VAV2: variants seen among roughly 807,000 people sequenced by gnomAD.
VAV2 encodes the protein vav guanine nucleotide exchange factor 2.
In VAV2, 67 loss-of-function variants were observed where a neutral mutation model predicts 132.5. That is an observed-to-expected ratio of 0.51 (90% confidence interval 0.42 to 0.62). VAV2 has a LOEUF of 0.62. VAV2 is among the 20% of genes least tolerant of loss of function. VAV2 has a pLI of 0.00. For synonymous variants in VAV2, 492 were observed against 443.5 expected, an observed-to-expected ratio of 1.11 and a Z score of -1.37; for missense variants, 938 against 1,153.6, an observed-to-expected ratio of 0.81 and a Z score of 2.71.
At chr9:133,985,225 ATT>A (rs1491361359) in intron 1 of VAV2, among the ~76,000 whole-genome samples, 8 of 92,670 alleles carry the variant, frequency 8.6e-5, no homozygotes, top group Non-Finnish European at 1.5e-4. Flanking sequence ...ATCTTGCCTT[ATT>A]GTGTGTGTGT....
At chr9:133,835,854 TGGTC>T (rs1433934027) in intron 3 of VAV2, among the ~76,000 whole-genome samples, 2 of 152,176 alleles carry the variant, frequency 1.3e-5, no homozygotes, top group African/African-American at 4.8e-5. Flanking sequence ...ACTGGGCCAT[TGGTC>T]AGCGTGCCCC....
intron 20 of VAV2, 96 bp from the exon 21 acceptor site, chr9:133,780,035 T>A (rs1239985623): frequency 1.3e-6 from 2 of 1,537,114 alleles, no homozygotes; most frequent in Non-Finnish European, 1.8e-6. Flanking sequence ...TCCCCACTAG[T>A]TCCTAGATAG....
At position 133,768,352 on chromosome 9, in the gene VAV2, G is replaced by T. The variant is rs1833503535; in HGVS notation, c.2589+90C>A. The T allele has an allele frequency of 4.6e-6, 7 of 1,523,236 alleles. No individual in the cohort carries two copies. Among genetic ancestry groups the T allele is most frequent in the Admixed American group, 1.8e-5 (1 of 54,140 alleles). 94.4% of individuals were successfully genotyped at this position (1,523,236 alleles called of 1,614,324 possible). On this transcript the variant is annotated intron_variant, in intron 29 of 29. Transcript: ENST00000371850. The surrounding 1 kb of genome is among the most constrained non-coding windows in gnomAD (Gnocchi z 5.3). ...GTGTCTGGAACAGGGCCTGGGGTGT[G>T]GACATAGGTGTGGTGCTAGTCTGCC...
intron 9 of VAV2, among the ~76,000 whole-genome samples, chr9:133,798,630 A>AC (rs1834813725): frequency 6.6e-6 from 1 of 151,516 alleles, no homozygotes; most frequent in Admixed American, 6.6e-5. Flanking sequence ...AAACCCCATA[A>AC]CCCCACCGAC....
At chr9:133,947,011 G>C (rs1315836940) in intron 1 of VAV2, among the ~76,000 whole-genome samples, 1 of 152,132 alleles carries the variant, frequency 6.6e-6, no homozygotes. Context: ...ATTAATGAAT[G>C]AACAAATGAA....
At chr9:133,957,453 T>C (rs765022564) in intron 1 of VAV2, among the ~76,000 whole-genome samples, 8 of 152,132 alleles carry the variant, frequency 5.3e-5, no homozygotes, top group Non-Finnish European at 1.0e-4. Context: ...TTTCTACATA[T>C]TTGACTACTG....
In VAV2 at chr9:133,780,090, A is replaced by G. The variant is rs1833954933; in HGVS notation, c.1741-151T>C. 7 of 1,018,212 alleles carry G rather than the reference A, an allele frequency of 6.9e-6. No homozygotes were observed. The Admixed American group carries it at 1.0e-4, about 15-fold the overall frequency. The allele number at this position is 1,018,212 out of a possible 1,614,324, so 63.1% of individuals were successfully genotyped here. A position where few individuals can be genotyped will look rare whatever the true frequency, so the allele number is the denominator to read the frequency against. On this transcript the variant is annotated intron_variant, in intron 20 of 29. Transcript: ENST00000371850. The stretch of plus-strand genomic sequence containing the variant: ...GGGGAGGAGAGGGACACTGTTCCCT[A>G]TGGGACGCCCCCACCCTGGCAATAT...
chr9:133,873,546 C>T (rs1471213951), intron 2 of VAV2, among the ~76,000 whole-genome samples: 1 of 152,198 alleles, frequency 6.6e-6, no homozygotes, highest in Non-Finnish European at 1.5e-5. Flanking sequence ...AGCGGCACTG[C>T]CCTGGGAAAC....
intron 2 of VAV2, among the ~76,000 whole-genome samples, chr9:133,904,823 C>A (rs1839582156): frequency 6.6e-6 from 1 of 152,250 alleles, no homozygotes; most frequent in South Asian, 2.1e-4. Flanking sequence ...TGAACAGAAG[C>A]CCTCTCTGGG....
At chr9:133,917,951 C>G (rs1840159934) in intron 2 of VAV2, among the ~76,000 whole-genome samples, 1 of 149,886 alleles carries the variant, frequency 6.7e-6, no homozygotes, top group African/African-American at 2.5e-5. Flanking sequence ...GCCCCCTAAG[C>G]CCCGGCCCAT....
chr9:133,790,198 A>G (rs1386453361), intron 13 of VAV2, among the ~76,000 whole-genome samples: 1 of 152,142 alleles, frequency 6.6e-6, no homozygotes, highest in Non-Finnish European at 1.5e-5. Context: ...GTCGTTTTTG[A>G]GATAGTCTCA....
At chr9:133,954,647 C>T (rs1216960948) in intron 1 of VAV2, among the ~76,000 whole-genome samples, 3 of 152,202 alleles carry the variant, frequency 2.0e-5, no homozygotes, top group Non-Finnish European at 1.5e-5. Flanking sequence ...GCTGCTGATG[C>T]TCGAGCAGGG....
chr9:133,967,463 G>A (rs185766257), intron 1 of VAV2, among the ~76,000 whole-genome samples: 7 of 152,304 alleles, frequency 4.6e-5, no homozygotes, highest in East Asian at 1.9e-4. Context: ...CACCTTTACC[G>A]TAGCACTATT....
chr9:133,922,973 A>G (rs1840347396), intron 2 of VAV2, among the ~76,000 whole-genome samples: 1 of 152,232 alleles, frequency 6.6e-6, no homozygotes, highest in African/African-American at 2.4e-5. Flanking sequence ...TAATATCCAC[A>G]ATATGTAAAG....
chr9:133,844,308 G>A (rs947390706), intron 3 of VAV2, among the ~76,000 whole-genome samples: 1 of 152,212 alleles, frequency 6.6e-6, no homozygotes, highest in Non-Finnish European at 1.5e-5. Flanking sequence ...GGTCCACAGG[G>A]TGTCCTTCCC....
At position 133,933,128 on chromosome 9, in the gene VAV2, T is replaced by C. The variant is rs902664088; in HGVS notation, c.321+5975A>G. ...AGGGAGACAGTCTCATTCACGTTAG[T>C]GTCCCTTTAACACGTGGAATGATCC... On this transcript the variant is annotated intron_variant, in intron 2 of 29. Coordinates refer to ENST00000371850, the MANE Select transcript of VAV2 (RefSeq NM_001134398.2). Among the ~76,000 whole-genome samples the C allele has an allele frequency of 2.6e-5, 4 of 152,266 alleles. No homozygotes were observed. In the South Asian group the frequency reaches 8.3e-4, roughly 31 times the overall value.
rs1405018131 is a variant in VAV2, at chr9:133,863,527, C to T, written c.322-2095G>A. 6.6e-6 allele frequency among the ~76,000 whole-genome samples: 1 copy of T among 152,232 alleles called. No individual in the cohort carries two copies. The highest frequency in any genetic ancestry group is 6.5e-5 in the Admixed American group (1 of 15,290). On this transcript the variant is annotated intron_variant, in intron 2 of 29. Transcript: ENST00000371850. The surrounding 1 kb of genome is among the most constrained non-coding windows in gnomAD (Gnocchi z 5.0). ...TTCTCCTGCGTCCATGCATCTGTGGCCCCTGTGGACAATTTCTACAGCTGC... is the reference window on the plus strand; with the variant it reads ...TTCTCCTGCGTCCATGCATCTGTGGTCCCTGTGGACAATTTCTACAGCTGC...
At chr9:133,869,607 C>T (rs191842377) in intron 2 of VAV2, among the ~76,000 whole-genome samples, 12 of 152,256 alleles carry the variant, frequency 7.9e-5, no homozygotes, top group Admixed American at 7.9e-4. Flanking sequence ...GAAACCCTAT[C>T]TCAAAAATAA....
At position 133,836,741 on chromosome 9, in the gene VAV2, T is replaced by C. The variant is rs1162607312; in HGVS notation, c.381-2401A>G. 2.0e-5 allele frequency among the ~76,000 whole-genome samples: 3 copies of C among 152,146 alleles called. 1 individual carries two copies. Among genetic ancestry groups the C allele is most frequent in the Non-Finnish European group, 4.4e-5 (3 of 68,034 alleles). ...CCTGGATTATCAACAGGACGGCCAT[T>C]CGGGGACTGTACTTCTAGAACCCGC... On this transcript the variant is annotated intron_variant, in intron 3 of 29. Transcript: ENST00000371850.
Sources: allele counts gnomAD v4.1 joint callset (sites outside exome capture counted in the v4.1 genomes callset), GRCh38; gene constraint gnomAD v4.1.1; non-coding constraint Gnocchi (gnomAD v3.1); transcripts MANE v1.5; gene names NCBI Gene and HGNC (gene_info 2026-07-23, HGNC 2026-07-21).